The following TOX variants were observed in gnomAD, a reference collection of about 807,000 sequenced individuals.
The protein encoded by TOX is thymocyte selection-associated high mobility group box protein TOX.
TOX carries 11 observed loss-of-function variants against 53.7 expected under a neutral mutation model. The ratio of observed to expected loss-of-function variants is 0.20; its 90% CI spans 0.13 to 0.34. The LOEUF (loss-of-function observed/expected upper bound fraction) is 0.34, where lower values mean the gene tolerates loss of function less well. Among genes scored for constraint, TOX ranks in the 10% least tolerant of loss-of-function variants. TOX has a pLI of 1.00. For synonymous variants in TOX, 225 were observed against 245.3 expected, an observed-to-expected ratio of 0.92 and a Z score of 0.77; for missense variants, 570 against 664.6, an observed-to-expected ratio of 0.86 and a Z score of 1.56.
chr8:58,983,874 C>T (rs545393461), intron 1 of TOX, among the ~76,000 whole-genome samples: 31 of 152,304 alleles, frequency 2.0e-4, no homozygotes, highest in African/African-American at 7.2e-4. Flanking sequence ...CACATGGAAG[C>T]AATTTGGCCT....
At chr8:59,054,851 AAAAG>A (rs1168961153) in intron 1 of TOX, among the ~76,000 whole-genome samples, 2 of 150,780 alleles carry the variant, frequency 1.3e-5, no homozygotes, top group Admixed American at 1.3e-4. Flanking sequence ...AAGAAAGAAA[AAAAG>A]AGAGAGAAAG....
chr8:59,068,721 C>A (rs1274784037), intron 1 of TOX, among the ~76,000 whole-genome samples: 2 of 152,084 alleles, frequency 1.3e-5, no homozygotes, highest in Non-Finnish European at 2.9e-5. Context: ...ACCATCATGA[C>A]GAATGTTCGA....
chr8:58,836,926 A>C (rs1012376194), intron 5 of TOX, among the ~76,000 whole-genome samples: 1 of 152,222 alleles, frequency 6.6e-6, no homozygotes, highest in Non-Finnish European at 1.5e-5. Context: ...GAATAAATGA[A>C]TGAATTTAAT....
chr8:58,886,399 A>G (rs1208963907), intron 3 of TOX, among the ~76,000 whole-genome samples: 1 of 152,142 alleles, frequency 6.6e-6, no homozygotes, highest in Non-Finnish European at 1.5e-5. Flanking sequence ...TCACAGCTGC[A>G]TCAGAAGGGA....
chr8:58,837,162 A>C (rs1205201904), intron 5 of TOX, among the ~76,000 whole-genome samples: 2 of 152,192 alleles, frequency 1.3e-5, no homozygotes, highest in Non-Finnish European at 2.9e-5. Context: ...TCCTGGACAT[A>C]ATGAGGAAAG....
At chr8:58,942,601 G>A (rs1297110493) in intron 2 of TOX, among the ~76,000 whole-genome samples, 3 of 152,054 alleles carry the variant, frequency 2.0e-5, no homozygotes, top group Non-Finnish European at 4.4e-5. Flanking sequence ...TCAATGCCAG[G>A]CTAATTACTT....
intron 3 of TOX, among the ~76,000 whole-genome samples, chr8:58,879,565 T>C (rs932296016): frequency 1.3e-5 from 2 of 152,114 alleles, no homozygotes; most frequent in African/African-American, 2.4e-5. Context: ...TCATTATAAA[T>C]GAAAAAAAAT....
At chr8:58,832,379 A>T (rs926476305) in intron 5 of TOX, among the ~76,000 whole-genome samples, 3 of 152,014 alleles carry the variant, frequency 2.0e-5, no homozygotes, top group African/African-American at 7.2e-5. Context: ...TTTTTAAAAA[A>T]TTGGGAAAAT....
At position 58,818,686 on chromosome 8, in the gene TOX, G is replaced by A. The variant is rs114399732; in HGVS notation, c.1006-2962C>T. 9.4e-3 allele frequency among the ~76,000 whole-genome samples: 1,424 copies of A among 152,252 alleles called. 16 individuals are homozygous for A. Among genetic ancestry groups the A allele is most frequent in the African/African-American group, 0.032 (1,321 of 41,544 alleles). Reference sequence around the variant, plus strand: ...ACTTGCCCTCTTGACCAGACACACCGTTCCTCTTCCCATGGAGTGAGGAAG... The same window carrying A: ...ACTTGCCCTCTTGACCAGACACACCATTCCTCTTCCCATGGAGTGAGGAAG... On this transcript the variant is annotated intron_variant, in intron 6 of 8. Coordinates refer to ENST00000361421, the MANE Select transcript of TOX (RefSeq NM_014729.3).
At chr8:58,969,107 G>C (rs1413202507) in intron 1 of TOX, among the ~76,000 whole-genome samples, 1 of 152,126 alleles carries the variant, frequency 6.6e-6, no homozygotes, top group Non-Finnish European at 1.5e-5. Flanking sequence ...GACAGAAATA[G>C]ACTTTTGGTG....
chr8:58,865,345 G>A (rs531559131), intron 3 of TOX, among the ~76,000 whole-genome samples: 66 of 152,096 alleles, frequency 4.3e-4, no homozygotes, highest in African/African-American at 1.6e-3. Flanking sequence ...CAACAATCAG[G>A]ATAACACAAT....
At chr8:59,035,208 T>G (rs1487074925) in intron 1 of TOX, among the ~76,000 whole-genome samples, 2 of 152,206 alleles carry the variant, frequency 1.3e-5, no homozygotes, top group African/African-American at 4.8e-5. Flanking sequence ...ACTAAATTAC[T>G]ATCCATAAAA....
chr8:58,847,579 G>A (rs1336268457), intron 4 of TOX, among the ~76,000 whole-genome samples: 1 of 152,080 alleles, frequency 6.6e-6, no homozygotes, highest in Non-Finnish European at 1.5e-5. Context: ...ATAACAGCAT[G>A]AGAAGGGAGC....
rs1810811318 is a variant in TOX at position 58,851,179 on chromosome 8, TCTCTCTCACACACACA to T, written c.693+329_693+344del. On this transcript the variant is annotated intron_variant, in intron 4 of 8. Coordinates refer to ENST00000361421, the MANE Select transcript of TOX (RefSeq NM_014729.3). This position sits in a 1 kb window ranked among gnomAD's most constrained non-coding sequence, Gnocchi z 4.4. ...CTCTGTCTCTCTCTCTCTCTCTCTCTCTCTCTCACACACACACACACACACACACACACGACCTTCA... is the reference window on the plus strand; with the variant it reads ...CTCTGTCTCTCTCTCTCTCTCTCTCTCACACACACACACACACGACCTTCA... Among the ~76,000 whole-genome samples, 1 of 143,956 alleles carries T rather than the reference TCTCTCTCACACACACA, an allele frequency of 6.9e-6. No homozygotes were observed. The highest frequency in any genetic ancestry group is 6.9e-5 in the Admixed American group (1 of 14,566). The allele number at this position is 143,956 out of a possible 152,430, so 94.4% of individuals were successfully genotyped here. A position where few individuals can be genotyped will look rare whatever the true frequency, so the allele number is the denominator to read the frequency against.
intron 3 of TOX, among the ~76,000 whole-genome samples, chr8:58,856,973 T>C (rs12679949): frequency 0.16 from 24,058 of 152,088 alleles, 3,544 homozygotes; most frequent in African/African-American, 0.39. Context: ...TTTTCTGTTA[T>C]AGGCAGCCCA....
At chr8:58,974,599 T>A (rs1289582401) in intron 1 of TOX, among the ~76,000 whole-genome samples, 1 of 152,072 alleles carries the variant, frequency 6.6e-6, no homozygotes, top group Non-Finnish European at 1.5e-5. Flanking sequence ...TGTCTCAGGC[T>A]TACAACTCTG....
chr8:58,900,617 G>A lies in TOX; in HGVS notation c.411+38685C>T, dbSNP rs550977898. ...CATACAATATGACAATTTCAAAAAT[G>A]TACTTTCAGTAGCTGGTGACACCAT... is the stretch of plus-strand genomic sequence containing the variant. On this transcript the variant is annotated intron_variant, in intron 3 of 8. Coordinates refer to ENST00000361421, the MANE Select transcript of TOX (RefSeq NM_014729.3). Among the ~76,000 whole-genome samples the A allele has an allele frequency of 1.4e-3, 217 of 152,166 alleles. 1 individual carries two copies. Among genetic ancestry groups the A allele is most frequent in the African/African-American group, 5.0e-3 (208 of 41,538 alleles).
chr8:58,864,705 G>A (rs1811066652), intron 3 of TOX, among the ~76,000 whole-genome samples: 2 of 152,108 alleles, frequency 1.3e-5, no homozygotes, highest in South Asian at 2.1e-4. Context: ...TGTTAGTAAA[G>A]CATGTTTTCT....
At chr8:59,087,665 A>G (rs368727186) in intron 1 of TOX, among the ~76,000 whole-genome samples, 18 of 152,296 alleles carry the variant, frequency 1.2e-4, no homozygotes, top group Admixed American at 3.9e-4. Context: ...AATTTACTCA[A>G]TCTTTCAGGG....
Sources: gnomAD v4.1 joint callset for allele counts (sites outside exome capture counted in the v4.1 genomes callset) on GRCh38, gnomAD v4.1.1 for gene constraint, Gnocchi (gnomAD v3.1) non-coding constraint, MANE v1.5 for transcripts, NCBI Gene and HGNC (gene_info 2026-07-23, HGNC 2026-07-21) for gene names.